Variants in TTLL11 observed in about 807,000 individuals in gnomAD.
TTLL11 encodes tubulin tyrosine ligase like 11.
TTLL11 carries 42 observed loss-of-function variants against 51.7 expected under a neutral mutation model. The observed-to-expected ratio is 0.81, with a 90% CI of 0.64 to 1.05. TTLL11 has a LOEUF of 1.05. TTLL11 is among the 50% of genes least tolerant of loss of function. The pLI is 0.00. For synonymous variants in TTLL11, 381 were observed against 383.5 expected, an observed-to-expected ratio of 0.99 and a Z score of 0.08; for missense variants, 799 against 940.4, an observed-to-expected ratio of 0.85 and a Z score of 1.97.
chr9:121,919,892 C>G lies in TTLL11; in HGVS notation c.1482-49144G>C, dbSNP rs187394094. 2.8e-5 allele frequency among the ~76,000 whole-genome samples: 4 copies of G among 145,346 alleles called. No individual in the cohort carries two copies. In the East Asian group the frequency reaches 6.4e-4, roughly 23 times the overall value. On this transcript the variant is annotated intron_variant, in intron 6 of 8. Coordinates refer to ENST00000321582, the MANE Select transcript of TTLL11 (RefSeq NM_001139442.2). ...AAAAGGAAATATCCTAATATTAACA[C>G]TAACAGTGATGACAATGTTAACAAT...
At chr9:122,022,117 A>G (rs1844200124) in intron 3 of TTLL11, among the ~76,000 whole-genome samples, 1 of 152,328 alleles carries the variant, frequency 6.6e-6, no homozygotes, top group East Asian at 1.9e-4. Flanking sequence ...TTTTAAATGA[A>G]CAGAACATCA....
At chr9:121,899,289 A>T (rs981611781) in intron 6 of TTLL11, among the ~76,000 whole-genome samples, 3 of 150,742 alleles carry the variant, frequency 2.0e-5, no homozygotes, top group Admixed American at 6.6e-5. Context: ...CTCTTTATGC[A>T]CTTCTCTGCT....
rs774508269 is a variant in TTLL11 at position 121,989,659 on chromosome 9, G to A, written c.805C>T (p.Arg269Cys). ...IYLIKDPSDI[R>C]LAGTLQSRPA... ...CTGCTCTGGAGGGTCCCTGCCAGGC[G>A]GATGTCACTGGGGTCTTTAATGAGG... The change falls in exon 4 of 9, where the codon CGC becomes TGC. Residue 269 changes from arginine to cysteine, a missense_variant. By Grantham distance (180) the Arg-to-Cys change is radical. This residue lies in a region of TTLL11 where 468 missense variants were observed against 612.8 expected (regional missense o/e 0.76). Transcript: ENST00000321582. The surrounding 1 kb of genome is among the most constrained non-coding windows in gnomAD (Gnocchi z 4.2). The A allele has an allele frequency of 2.2e-5, 36 of 1,614,154 alleles. No individual in the cohort carries two copies. Among genetic ancestry groups the A allele is most frequent in the South Asian group, 3.3e-5 (3 of 91,082 alleles).
At chr9:121,974,845 G>T in intron 5 of TTLL11, 39 bp downstream of exon 5, 1 of 1,431,078 alleles carries the variant, frequency 7.0e-7, no homozygotes, top group Non-Finnish European at 9.6e-7. Flanking sequence ...ATATTCAGCT[G>T]TATGGCAACA....
rs191018723 is a variant in TTLL11, at chr9:122,013,280, T to G, written c.693+18443A>C. ...GCAAATAGCATATTTTAGGGTCCTA[T>G]AATTGAGAGAGTACAGGATTGGGAT... On this transcript the variant is annotated intron_variant, in intron 3 of 8. Transcript: ENST00000321582. 2.0e-5 allele frequency among the ~76,000 whole-genome samples: 3 copies of G among 152,288 alleles called. 1 individual carries two copies. Among genetic ancestry groups the G allele is most frequent in the Admixed American group, 2.0e-4 (3 of 15,296 alleles).
chr9:121,929,132 C>A (rs1208329243), intron 6 of TTLL11, among the ~76,000 whole-genome samples: 3 of 152,092 alleles, frequency 2.0e-5, no homozygotes, highest in African/African-American at 7.2e-5. Context: ...CCAAACCACA[C>A]AAACTTTCCA....
chr9:122,057,442 C>A (rs1347270437), intron 1 of TTLL11, among the ~76,000 whole-genome samples: 1 of 151,598 alleles, frequency 6.6e-6, no homozygotes, highest in East Asian at 1.9e-4. Context: ...CTGCCTCAGC[C>A]TTCGGAGTCA....
chr9:121,826,571 A>ATGTG (rs1836811754), intron 8 of TTLL11, among the ~76,000 whole-genome samples: 2 of 63,274 alleles, frequency 3.2e-5, no homozygotes, highest in African/African-American at 1.4e-4. Flanking sequence ...ATATATATAT[A>ATGTG]TATATATATA....
At chr9:122,011,273 T>C (rs1325078131) in intron 3 of TTLL11, among the ~76,000 whole-genome samples, 1 of 152,154 alleles carries the variant, frequency 6.6e-6, no homozygotes, top group Non-Finnish European at 1.5e-5. Context: ...AATAAATTAC[T>C]CAGTCTCAGG....
chr9:122,064,384 C>T (rs1053511332), intron 1 of TTLL11, among the ~76,000 whole-genome samples: 1 of 152,154 alleles, frequency 6.6e-6, no homozygotes, highest in Non-Finnish European at 1.5e-5. Flanking sequence ...AGCAAAGACC[C>T]TCAAAGCCTT....
intron 6 of TTLL11, among the ~76,000 whole-genome samples, chr9:121,899,378 C>CATACATAT (rs768607608): frequency 7.7e-6 from 1 of 130,464 alleles, no homozygotes; most frequent in South Asian, 2.4e-4. Flanking sequence ...TATATATATA[C>CATACATAT]ATATATATAT....
In TTLL11 at chr9:122,039,375, G is replaced by A; in HGVS notation, c.463-7C>T. ...AGCGCCGGCCAAATGGGAACTAGAA[G>A]AGAAAAAATGTGACTCGCAATAAGA... On this transcript the variant is annotated splice_region_variant and splice_polypyrimidine_tract_variant and intron_variant, in intron 1 of 8. Transcript: ENST00000321582. The A allele has an allele frequency of 6.2e-7, 1 of 1,611,024 alleles. No individual in the cohort carries two copies. The highest frequency in any genetic ancestry group is 8.5e-7 in the Non-Finnish European group (1 of 1,177,602).
At chr9:121,900,612 C>A (rs549726509) in intron 6 of TTLL11, among the ~76,000 whole-genome samples, 15 of 152,254 alleles carry the variant, frequency 9.9e-5, no homozygotes, top group African/African-American at 3.6e-4. Flanking sequence ...TTCTGGAACT[C>A]CCATTGGATG....
intron 8 of TTLL11, among the ~76,000 whole-genome samples, chr9:121,826,555 G>GTATATATATATATATATATATA (rs1230489015): frequency 4.2e-5 from 2 of 48,108 alleles, no homozygotes; most frequent in African/African-American, 1.9e-4. Context: ...ATATATGTGT[G>GTATATATATATATATATATATA]TGTATATATA....
rs760189827 is a variant in TTLL11 at position 121,989,660 on chromosome 9, G to T, written c.804C>A (p.Ile268=). ...TGCTCTGGAGGGTCCCTGCCAGGCG[G>T]ATGTCACTGGGGTCTTTAATGAGGT... is the stretch of plus-strand genomic sequence containing the variant. ...GIYLIKDPSD[I]RLAGTLQSRP... is the part of the protein sequence containing the mutation. Residue 268 remains isoleucine (I), a synonymous_variant, in exon 4 of 9, where the codon ATC becomes ATA. Transcript: ENST00000321582. The surrounding 1 kb of genome is among the most constrained non-coding windows in gnomAD (Gnocchi z 4.2). 6.8e-5 allele frequency: 109 copies of T among 1,614,050 alleles called. No individual in the cohort carries two copies. The highest frequency in any genetic ancestry group is 9.2e-5 in the Non-Finnish European group (109 of 1,180,042).
At chr9:121,906,683 G>C (rs1203302828) in intron 6 of TTLL11, among the ~76,000 whole-genome samples, 4 of 152,084 alleles carry the variant, frequency 2.6e-5, no homozygotes, top group African/African-American at 9.7e-5. Flanking sequence ...AAAGGGGAAA[G>C]GGGAAGGAGG....
Position 121,929,435 on chromosome 9 carries a change from G to A in TTLL11, c.1481+44574C>T, listed in dbSNP as rs541365756. Among the ~76,000 whole-genome samples the A allele has an allele frequency of 4.2e-3, 617 of 145,334 alleles. 2 individuals are homozygous for A. Among genetic ancestry groups the A allele is most frequent in the Admixed American group, 9.7e-3 (140 of 14,476 alleles). On this transcript the variant is annotated intron_variant, in intron 6 of 8. Coordinates refer to ENST00000321582, the MANE Select transcript of TTLL11 (RefSeq NM_001139442.2). ...AGCCTGGGCAACAGAGCGAGACCCCGTCTCAAAAAAAAAAAAAGTTACATA... is the reference window on the plus strand; with the variant it reads ...AGCCTGGGCAACAGAGCGAGACCCCATCTCAAAAAAAAAAAAAGTTACATA...
chr9:121,946,884 G>A (rs1190166618), intron 6 of TTLL11, among the ~76,000 whole-genome samples: 2 of 152,054 alleles, frequency 1.3e-5, no homozygotes, highest in African/African-American at 2.4e-5. Flanking sequence ...ATTTTCCAGG[G>A]TCCCCACTCA....
intron 6 of TTLL11, among the ~76,000 whole-genome samples, chr9:121,892,047 T>TA (rs33985673): frequency 0.49 from 71,349 of 144,614 alleles, 17,663 homozygotes; most frequent in South Asian, 0.59. Context: ...AAATATATAT[T>TA]AAAAAATATA....
Sources: gnomAD v4.1 joint callset for allele counts (sites outside exome capture counted in the v4.1 genomes callset) on GRCh38, gnomAD v4.1.1 for gene constraint, gnomAD v4.1.1 regional missense constraint, Gnocchi (gnomAD v3.1) non-coding constraint, MANE v1.5 for transcripts, NCBI Gene and HGNC (gene_info 2026-07-23, HGNC 2026-07-21) for gene names.